ZFPM2: variants seen among roughly 807,000 people sequenced by gnomAD.
ZFPM2 encodes the protein zinc finger protein, FOG family member 2, also known as zinc finger protein ZFPM2.
A neutral mutation model predicts 98.6 loss-of-function variants in ZFPM2; 20 were observed. The ratio of observed to expected loss-of-function variants is 0.20; its 90% CI spans 0.14 to 0.29. The LOEUF is 0.29. Ranked by LOEUF, ZFPM2 falls within the 10% of genes least tolerant of loss-of-function variation. ZFPM2 has a pLI of 1.00. For missense variants in ZFPM2, 1,310 were observed against 1,388.6 expected (o/e 0.94, Z 0.90); for synonymous variants, 518 against 502.7 (o/e 1.03, Z -0.41).
intron 2 of ZFPM2, among the ~76,000 whole-genome samples, chr8:105,443,786 A>C (rs915469430): frequency 6.6e-6 from 1 of 152,176 alleles, no homozygotes; most frequent in Non-Finnish European, 1.5e-5. Flanking sequence ...TTTTAAAACA[A>C]ATAAGACCCA....
intron 4 of ZFPM2, among the ~76,000 whole-genome samples, chr8:105,624,860 A>C (rs1007391100): frequency 6.6e-6 from 1 of 152,202 alleles, no homozygotes; most frequent in African/African-American, 2.4e-5. Flanking sequence ...AAACTGTCTG[A>C]CATAAGGAGT....
chr8:105,648,375 T>G (rs1350013225), intron 5 of ZFPM2, among the ~76,000 whole-genome samples: 1 of 152,220 alleles, frequency 6.6e-6, no homozygotes, highest in Non-Finnish European at 1.5e-5. Context: ...AGAAGCTCTT[T>G]AGTTTAATTA....
intron 4 of ZFPM2, among the ~76,000 whole-genome samples, chr8:105,577,170 C>G (rs977389872): frequency 4.6e-5 from 7 of 152,134 alleles, no homozygotes; most frequent in Non-Finnish European, 5.9e-5. Flanking sequence ...AAGTCAGGAA[C>G]TCTTCTAAAA....
intron 5 of ZFPM2, among the ~76,000 whole-genome samples, chr8:105,717,735 G>A (rs1005958371): frequency 1.3e-5 from 2 of 151,762 alleles, no homozygotes; most frequent in Non-Finnish European, 2.9e-5. Context: ...ATTAATGTAT[G>A]GATCAGAGAG....
chr8:105,708,631 A>G (rs1243328075), intron 5 of ZFPM2, among the ~76,000 whole-genome samples: 1 of 151,958 alleles, frequency 6.6e-6, no homozygotes. Flanking sequence ...TTTGGTTGAG[A>G]TGAGGTTTCG....
chr8:105,621,987 G>A (rs1250753133), intron 4 of ZFPM2, among the ~76,000 whole-genome samples: 1 of 151,864 alleles, frequency 6.6e-6, no homozygotes, highest in African/African-American at 2.4e-5. Context: ...TATTTTAAAA[G>A]CAGAATAACC....
intron 1 of ZFPM2, among the ~76,000 whole-genome samples, chr8:105,415,349 T>C (rs1811660233): frequency 6.6e-6 from 1 of 152,064 alleles, no homozygotes; most frequent in African/African-American, 2.4e-5. Flanking sequence ...AGACGATTAA[T>C]TCTGGTGAGT....
intron 2 of ZFPM2, among the ~76,000 whole-genome samples, chr8:105,436,460 C>T (rs565048442): frequency 1.7e-4 from 25 of 144,804 alleles, no homozygotes; most frequent in African/African-American, 6.2e-4. Context: ...TTCAGTGAGC[C>T]AAGATGGAGC....
intron 3 of ZFPM2, among the ~76,000 whole-genome samples, chr8:105,511,023 C>G (rs1292347773): frequency 6.6e-6 from 1 of 152,174 alleles, no homozygotes; most frequent in Non-Finnish European, 1.5e-5. Context: ...GGTCTGCAGG[C>G]AGTATGGGAC....
At chr8:105,487,551 T>G (rs1813254092) in intron 3 of ZFPM2, among the ~76,000 whole-genome samples, 1 of 152,094 alleles carries the variant, frequency 6.6e-6, no homozygotes, top group Non-Finnish European at 1.5e-5. Flanking sequence ...ACTTATGGAG[T>G]GTATACTTTG....
chr8:105,736,477 T>C (rs1013674543), intron 5 of ZFPM2, among the ~76,000 whole-genome samples: 1 of 151,966 alleles, frequency 6.6e-6, no homozygotes, highest in Non-Finnish European at 1.5e-5. Context: ...ATAAAGACTT[T>C]TTTTCCCAAT....
At chr8:105,357,734 A>G (rs1812775451) in intron 1 of ZFPM2, among the ~76,000 whole-genome samples, 1 of 152,194 alleles carries the variant, frequency 6.6e-6, no homozygotes, top group Non-Finnish European at 1.5e-5. Flanking sequence ...TTTAAGGGCT[A>G]TCGTTTTCAC....
At chr8:105,774,658 A>C (rs1813057219) in intron 5 of ZFPM2, among the ~76,000 whole-genome samples, 1 of 152,188 alleles carries the variant, frequency 6.6e-6, no homozygotes, top group African/African-American at 2.4e-5. Context: ...AATTCAGATA[A>C]ATATACTTAA....
At chr8:105,784,642 A>G (rs1813358719) in intron 5 of ZFPM2, among the ~76,000 whole-genome samples, 1 of 145,912 alleles carries the variant, frequency 6.9e-6, no homozygotes, top group Non-Finnish European at 1.5e-5. Context: ...AGCTCATTTA[A>G]TCCTCATAAT....
intron 1 of ZFPM2, among the ~76,000 whole-genome samples, chr8:105,323,682 C>A (rs900584950): frequency 2.0e-5 from 3 of 151,732 alleles, no homozygotes; most frequent in Non-Finnish European, 2.9e-5. Context: ...CTTAAGATGA[C>A]CAATATAGTC....
intron 4 of ZFPM2, among the ~76,000 whole-genome samples, chr8:105,591,582 A>G (rs964550494): frequency 5.9e-5 from 9 of 152,308 alleles, no homozygotes; most frequent in African/African-American, 2.2e-4. Flanking sequence ...AATTTTATTT[A>G]AAGACTTGTT....
chr8:105,803,144 C>T lies in ZFPM2; in HGVS notation c.3062C>T (p.Ser1021Leu). 1 of 1,613,932 alleles carries T rather than the reference C, an allele frequency of 6.2e-7. No individual in the cohort carries two copies. The highest frequency in any genetic ancestry group is 8.5e-7 in the Non-Finnish European group (1 of 1,179,872). The change falls in exon 8 of 8, where the codon TCA (serine) becomes TTA (leucine). Residue 1021 changes from serine to leucine, a missense_variant. Transcript: ENST00000407775. The part of the protein sequence containing the change: ...ENESPKGQAS[S>L]NGCAALKKDS... ...GAATCTCCTAAAGGCCAGGCTTCCT[C>T]AAATGGGTGTGCTGCGCTGAAGAAA...
At chr8:105,746,445 C>T (rs1002620939) in intron 5 of ZFPM2, among the ~76,000 whole-genome samples, 3 of 151,970 alleles carry the variant, frequency 2.0e-5, no homozygotes, top group African/African-American at 7.2e-5. Flanking sequence ...TGGGTATTCC[C>T]TGTTGCATAA....
intron 1 of ZFPM2, among the ~76,000 whole-genome samples, chr8:105,390,635 A>G (rs969632756): frequency 2.0e-5 from 3 of 152,196 alleles, no homozygotes; most frequent in Non-Finnish European, 2.9e-5. Context: ...AGACAGAGAC[A>G]TTCCTATCAC....
Sources: gnomAD v4.1 joint callset for allele counts (sites outside exome capture counted in the v4.1 genomes callset) on GRCh38, gnomAD v4.1.1 for gene constraint, MANE v1.5 for transcripts, NCBI Gene and HGNC (gene_info 2026-07-23, HGNC 2026-07-21) for gene names.